Variants in GRID2 observed in about 807,000 individuals in gnomAD.
GRID2 encodes the protein glutamate ionotropic receptor delta type subunit 2.
A neutral mutation model predicts 114.8 loss-of-function variants in GRID2; 33 were observed. That is an observed-to-expected ratio of 0.29 (90% CI 0.22 to 0.38). GRID2 has a LOEUF of 0.38. Among genes scored for constraint, GRID2 ranks in the 10% least tolerant of loss-of-function variants. The pLI, the probability that GRID2 is intolerant of heterozygous loss-of-function variation, is 1.00. For synonymous variants in GRID2, 505 were observed against 449.9 expected (o/e 1.12, Z -1.55); for missense variants, 1,184 against 1,257.7 (o/e 0.94, Z 0.89).
chr4:92,568,663 C>T (rs891423511), intron 1 of GRID2, among the ~76,000 whole-genome samples: 1 of 151,960 alleles, frequency 6.6e-6, no homozygotes, highest in African/African-American at 2.4e-5. Context: ...CAGATTATTT[C>T]ATTACCCAGG....
At chr4:92,684,314 A>G (rs1733796771) in intron 2 of GRID2, among the ~76,000 whole-genome samples, 1 of 151,996 alleles carries the variant, frequency 6.6e-6, no homozygotes, top group African/African-American at 2.4e-5. Flanking sequence ...TAAAACTCAC[A>G]TTTGATTTCT....
intron 13 of GRID2, among the ~76,000 whole-genome samples, chr4:93,607,842 A>G (rs28705377): frequency 0.15 from 22,837 of 151,964 alleles, 2,287 homozygotes; most frequent in Middle Eastern, 0.29. Context: ...TTCAGATGCC[A>G]TCTATTTTTA....
At chr4:92,536,116 C>T (rs1044083845) in intron 1 of GRID2, among the ~76,000 whole-genome samples, 1 of 152,214 alleles carries the variant, frequency 6.6e-6, no homozygotes, top group African/African-American at 2.4e-5. Context: ...GCTGCCACTG[C>T]TTGCGCCGGT....
intron 8 of GRID2, among the ~76,000 whole-genome samples, chr4:93,344,485 G>C (rs895822851): frequency 6.6e-6 from 1 of 151,506 alleles, no homozygotes; most frequent in Non-Finnish European, 1.5e-5. Context: ...CAGTATACAA[G>C]GCAATGTTTT....
rs531777246 is a variant in GRID2 at position 92,934,485 on chromosome 4, G to A, written c.245-150510G>A. Among the ~76,000 whole-genome samples the A allele has an allele frequency of 4.8e-5, 7 of 146,512 alleles. 1 individual carries two copies. Among genetic ancestry groups the A allele is most frequent in the Admixed American group, 4.5e-4 (6 of 13,468 alleles). ...TCCCAAGGTAATTTATAGATTCAAT[G>A]CCATCCCCATCAAGCTACCAATGAC... is the stretch of plus-strand genomic sequence containing the variant. On this transcript the variant is annotated intron_variant, in intron 2 of 15. Coordinates refer to ENST00000282020, the MANE Select transcript of GRID2 (RefSeq NM_001510.4).
chr4:93,392,908 G>A (rs1764989583), intron 8 of GRID2, among the ~76,000 whole-genome samples: 1 of 151,868 alleles, frequency 6.6e-6, no homozygotes, highest in South Asian at 2.1e-4. Context: ...TAGTTTTCTT[G>A]TCTGTTAAAT....
At chr4:93,546,035 A>T (rs1036351005) in intron 13 of GRID2, among the ~76,000 whole-genome samples, 1 of 152,244 alleles carries the variant, frequency 6.6e-6, no homozygotes, top group African/African-American at 2.4e-5. Context: ...GAAATCACAA[A>T]TTCTCATATT....
chr4:92,513,718 T>C (rs1724364444), intron 1 of GRID2, among the ~76,000 whole-genome samples: 1 of 151,860 alleles, frequency 6.6e-6, no homozygotes, highest in Non-Finnish European at 1.5e-5. Flanking sequence ...CACTCAATGC[T>C]GCGTCCCTCT....
chr4:93,575,872 C>G (rs937664171), intron 13 of GRID2, among the ~76,000 whole-genome samples: 1 of 152,060 alleles, frequency 6.6e-6, no homozygotes, highest in African/African-American at 2.4e-5. Context: ...TTTAGCACTG[C>G]ATTCTCACAA....
chr4:92,634,441 C>A (rs2149248453), intron 2 of GRID2, among the ~76,000 whole-genome samples: 1 of 152,168 alleles, frequency 6.6e-6, no homozygotes, highest in Non-Finnish European at 1.5e-5. Flanking sequence ...GGCACATGTG[C>A]CCTTTTGCAT....
intron 1 of GRID2, among the ~76,000 whole-genome samples, chr4:92,577,376 G>A (rs1349766878): frequency 6.6e-6 from 1 of 152,164 alleles, no homozygotes; most frequent in Non-Finnish European, 1.5e-5. Context: ...TGTTACTAAG[G>A]TAAATAAGTC....
chr4:93,427,111 A>G (rs944152172), intron 10 of GRID2, among the ~76,000 whole-genome samples: 6 of 152,194 alleles, frequency 3.9e-5, no homozygotes, highest in Middle Eastern at 6.8e-3. Context: ...CCTTAACTGT[A>G]TTCTGACTGT....
intron 8 of GRID2, among the ~76,000 whole-genome samples, chr4:93,379,748 G>T (rs1053359243): frequency 2.0e-5 from 3 of 152,044 alleles, no homozygotes; most frequent in Admixed American, 6.6e-5. Context: ...AGTGACTGAA[G>T]CCCAGGATAA....
chr4:92,715,285 G>A (rs575273667), intron 2 of GRID2, among the ~76,000 whole-genome samples: 11 of 152,212 alleles, frequency 7.2e-5, no homozygotes, highest in African/African-American at 2.4e-4. Context: ...CCTTAGCCTG[G>A]ATTTCATTGT....
intron 2 of GRID2, among the ~76,000 whole-genome samples, chr4:92,944,846 T>C (rs745805471): frequency 1.2e-4 from 18 of 152,340 alleles, no homozygotes; most frequent in Non-Finnish European, 2.2e-4. Flanking sequence ...CTTTGGAGTT[T>C]ACTGTCCAAA....
intron 2 of GRID2, among the ~76,000 whole-genome samples, chr4:92,850,509 T>A (rs1032642466): frequency 6.6e-6 from 1 of 151,916 alleles, no homozygotes; most frequent in African/African-American, 2.4e-5. Context: ...GCAGTGTTCA[T>A]ACATAAACTT....
rs192463814 is a variant in GRID2, at chr4:93,129,399, G to A, written c.735+18446G>A. Among the ~76,000 whole-genome samples, 27 of 152,016 alleles carry A rather than the reference G, an allele frequency of 1.8e-4. No homozygotes were observed. In the East Asian group the frequency reaches 5.2e-3, roughly 29 times the overall value. ...TTTGTTGTTGTTTTCTAAACTAATA[G>A]TGCAGGATCCCCCAGGTCTTTCAGA... On this transcript the variant is annotated intron_variant, in intron 4 of 15. Coordinates refer to ENST00000282020, the MANE Select transcript of GRID2 (RefSeq NM_001510.4).
chr4:92,467,500 T>C (rs1435806485), intron 1 of GRID2, among the ~76,000 whole-genome samples: 1 of 152,020 alleles, frequency 6.6e-6, no homozygotes, highest in Non-Finnish European at 1.5e-5. Flanking sequence ...TGAGACTTTA[T>C]ATTATTTAAA....
chr4:93,594,880 C>G (rs1578350043), intron 13 of GRID2, among the ~76,000 whole-genome samples: 1 of 152,350 alleles, frequency 6.6e-6, no homozygotes, highest in East Asian at 1.9e-4. Flanking sequence ...CTTGCGCTTC[C>G]CGAGTGAGGC....
Sources: allele counts gnomAD v4.1 joint callset (sites outside exome capture counted in the v4.1 genomes callset), GRCh38; gene constraint gnomAD v4.1.1; transcripts MANE v1.5; gene names NCBI Gene and HGNC (gene_info 2026-07-23, HGNC 2026-07-21).